RANBP17: variants seen among roughly 807,000 people sequenced by gnomAD.
The protein encoded by RANBP17 is RAN binding protein 17.
In RANBP17, 158 loss-of-function variants were observed where a neutral mutation model predicts 141.2. The ratio of observed to expected loss-of-function variants is 1.12; its 90% confidence interval spans 0.98 to 1.28. RANBP17 has a LOEUF of 1.28. RANBP17 is among the 50% of genes most tolerant of loss of function. The pLI is 0.00. For synonymous variants in RANBP17, 430 were observed against 450.0 expected (o/e 0.96, Z 0.56); for missense variants, 1,438 against 1,290.7 (o/e 1.11, Z -1.75).
At chr5:171,082,526 T>G (rs1351892526) in intron 14 of RANBP17, among the ~76,000 whole-genome samples, 2 of 152,120 alleles carry the variant, frequency 1.3e-5, no homozygotes, top group East Asian at 3.9e-4. Context: ...TACCCTTTGC[T>G]CAACATTTTT....
chr5:171,045,658 T>C (rs192831382), intron 14 of RANBP17, among the ~76,000 whole-genome samples: 2 of 152,294 alleles, frequency 1.3e-5, no homozygotes, highest in East Asian at 3.9e-4. Context: ...CAAAATAGCC[T>C]CTAAAACAGT....
chr5:171,138,101 C>G (rs1445990178), intron 14 of RANBP17, among the ~76,000 whole-genome samples: 1 of 151,986 alleles, frequency 6.6e-6, no homozygotes, highest in African/African-American at 2.4e-5. Flanking sequence ...CTAGATTGCC[C>G]TTGAGAACTT....
chr5:171,064,820 C>G lies in RANBP17; in HGVS notation c.1710+96443C>G, dbSNP rs139502211. ...ACAGACATGAGTGACCATGCCCAGC[C>G]TCCCTGCCCATTTTTCTATAGGATT... On this transcript the variant is annotated intron_variant, in intron 14 of 27. Transcript: ENST00000523189. Among the ~76,000 whole-genome samples the G allele has an allele frequency of 3.6e-3, 554 of 152,138 alleles. 4 individuals carry two copies. Among genetic ancestry groups the G allele is most frequent in the Non-Finnish European group, 5.9e-3 (403 of 68,002 alleles).
At chr5:170,929,682 A>T (rs1362196626) in intron 12 of RANBP17, among the ~76,000 whole-genome samples, 4 of 152,082 alleles carry the variant, frequency 2.6e-5, no homozygotes, top group Non-Finnish European at 5.9e-5. Context: ...TCTTGTGGTG[A>T]CTTTGCCTGG....
At position 171,293,963 on chromosome 5, in the gene RANBP17, C is replaced by T. The variant is rs1481151729; in HGVS notation, c.3024C>T (p.Leu1008=). The T allele has an allele frequency of 6.2e-7, 1 of 1,613,028 alleles. No individual in the cohort carries two copies. Among genetic ancestry groups the T allele is most frequent in the African/African-American group, 1.3e-5 (1 of 74,882 alleles). Residue 1008 remains leucine (L), a synonymous_variant, in exon 26 of 28, where the codon CTC becomes CTT. Coordinates refer to ENST00000523189, the MANE Select transcript of RANBP17 (RefSeq NM_022897.5). ...CAGTATCCAGGCCTCTCCTGGGGCT[C>T]ATCCTGCTCAATGAGAAGGTGAGTG... is the stretch of plus-strand genomic sequence containing the variant. The part of the protein sequence containing the change: ...QWSVSRPLLG[L]ILLNEKYFSE...
intron 1 of RANBP17, among the ~76,000 whole-genome samples, chr5:170,876,134 T>A (rs1768158374): frequency 6.6e-6 from 1 of 152,178 alleles, no homozygotes; most frequent in African/African-American, 2.4e-5. Context: ...CTCTGGGATC[T>A]CTGTCCTCGA....
rs559810342 is a variant in RANBP17 at position 171,201,737 on chromosome 5, G to A, written c.2142+1964G>A. ...AGAAAACTTGGTGCTTTAAGCTACCGATAAAAAACTAAATCTGTTGCTTTA... is the reference window on the plus strand; with the variant it reads ...AGAAAACTTGGTGCTTTAAGCTACCAATAAAAAACTAAATCTGTTGCTTTA... On this transcript the variant is annotated intron_variant, in intron 19 of 27. Coordinates refer to ENST00000523189, the MANE Select transcript of RANBP17 (RefSeq NM_022897.5). 2.4e-4 allele frequency among the ~76,000 whole-genome samples: 37 copies of A among 152,282 alleles called. 1 individual carries two copies. The South Asian group carries it at 7.0e-3, about 29-fold the overall frequency.
At chr5:171,257,436 A>G (rs553599179) in intron 24 of RANBP17, among the ~76,000 whole-genome samples, 1 of 152,356 alleles carries the variant, frequency 6.6e-6, no homozygotes, top group South Asian at 2.1e-4. Flanking sequence ...ACGTATGACA[A>G]ACCCACAGCC....
chr5:171,047,777 C>T (rs1195822828), intron 14 of RANBP17, among the ~76,000 whole-genome samples: 1 of 152,150 alleles, frequency 6.6e-6, no homozygotes, highest in Non-Finnish European at 1.5e-5. Flanking sequence ...TAGATTTTGA[C>T]TACAAGTTCT....
intron 24 of RANBP17, among the ~76,000 whole-genome samples, chr5:171,261,087 C>CA (rs1463125894): frequency 3.4e-5 from 2 of 59,136 alleles, no homozygotes; most frequent in Admixed American, 3.4e-4. Flanking sequence ...CCCCCACCCC[C>CA]CCCAAAAAAA....
chr5:171,089,162 T>TGTTA (rs774669100), intron 14 of RANBP17, among the ~76,000 whole-genome samples: 138 of 149,210 alleles, frequency 9.2e-4, no homozygotes, highest in Non-Finnish European at 1.4e-3. Flanking sequence ...CCTTTCTGTT[T>TGTTA]GTTTTCCTTC....
At chr5:171,064,182 A>G (rs1288759222) in intron 14 of RANBP17, among the ~76,000 whole-genome samples, 1 of 152,174 alleles carries the variant, frequency 6.6e-6, no homozygotes, top group African/African-American at 2.4e-5. Context: ...TCCTGCGCCC[A>G]CTGTCTGGCA....
At chr5:170,890,704 T>C (rs748374664) in intron 3 of RANBP17, among the ~76,000 whole-genome samples, 9 of 152,232 alleles carry the variant, frequency 5.9e-5, no homozygotes, top group Non-Finnish European at 1.3e-4. Flanking sequence ...CCGAGAGACT[T>C]CTTGGTGTAT....
At chr5:170,978,162 C>T (rs909832087) in intron 14 of RANBP17, among the ~76,000 whole-genome samples, 5 of 152,098 alleles carry the variant, frequency 3.3e-5, no homozygotes, top group African/African-American at 1.2e-4. Flanking sequence ...AGTGAAATAT[C>T]ACTGCTCATC....
At chr5:171,286,661 C>A (rs1167025492) in intron 25 of RANBP17, among the ~76,000 whole-genome samples, 2 of 152,186 alleles carry the variant, frequency 1.3e-5, no homozygotes, top group East Asian at 1.9e-4. Flanking sequence ...CAATTGATTT[C>A]TTTTCCCTAA....
At chr5:171,048,674 C>T (rs895634845) in intron 14 of RANBP17, among the ~76,000 whole-genome samples, 1 of 150,880 alleles carries the variant, frequency 6.6e-6, no homozygotes, top group Non-Finnish European at 1.5e-5. Context: ...TTGTTCTCTT[C>T]TCTCTGTCCC....
chr5:170,931,360 G>T (rs552964702), intron 12 of RANBP17, among the ~76,000 whole-genome samples: 2 of 152,278 alleles, frequency 1.3e-5, no homozygotes, highest in South Asian at 4.1e-4. Flanking sequence ...CATTCTGTAG[G>T]TTGCCTGTTC....
chr5:171,184,742 G>A (rs986272743), intron 18 of RANBP17, among the ~76,000 whole-genome samples: 1 of 152,134 alleles, frequency 6.6e-6, no homozygotes, highest in Non-Finnish European at 1.5e-5. Flanking sequence ...TCATGATAAA[G>A]TGATACAGTA....
At chr5:171,200,883 A>C (rs1762257100) in intron 19 of RANBP17, among the ~76,000 whole-genome samples, 1 of 152,224 alleles carries the variant, frequency 6.6e-6, no homozygotes, top group African/African-American at 2.4e-5. Context: ...CAAAAGAAGG[A>C]TCTTACAGAT....
Sources: allele counts gnomAD v4.1 joint callset (sites outside exome capture counted in the v4.1 genomes callset), GRCh38; gene constraint gnomAD v4.1.1; transcripts MANE v1.5; gene names NCBI Gene and HGNC (gene_info 2026-07-23, HGNC 2026-07-21).